Variants in SYT1 observed in about 807,000 individuals in gnomAD.
SYT1 encodes the protein synaptotagmin 1.
In SYT1, 8 loss-of-function variants were observed where a neutral mutation model predicts 44.8. The ratio of observed to expected loss-of-function variants is 0.18; its 90% CI spans 0.10 to 0.32. The LOEUF (loss-of-function observed/expected upper bound fraction) is 0.32. Ranked by LOEUF, SYT1 falls within the 10% of genes least tolerant of loss-of-function variation. SYT1 has a pLI of 1.00. For missense variants in SYT1, 286 were observed against 509.3 expected, an observed-to-expected ratio of 0.56 and a Z score of 4.22; for synonymous variants, 154 against 188.8, an observed-to-expected ratio of 0.82 and a Z score of 1.51.
chr12:79,277,310 C>T (rs533832034), intron 4 of SYT1, among the ~76,000 whole-genome samples: 137 of 152,274 alleles, frequency 9.0e-4, no homozygotes, highest in African/African-American at 3.2e-3. Context: ...ATTAGACTAA[C>T]AGCAGACTTC....
chr12:79,067,389 A>G (rs1473057111), intron 3 of SYT1, among the ~76,000 whole-genome samples: 1 of 152,130 alleles, frequency 6.6e-6, no homozygotes, highest in Non-Finnish European at 1.5e-5. Flanking sequence ...ATTTGAAGGT[A>G]TGTATATCAA....
intron 3 of SYT1, among the ~76,000 whole-genome samples, chr12:79,122,664 G>T (rs1357789085): frequency 2.0e-5 from 3 of 149,030 alleles, no homozygotes; most frequent in African/African-American, 7.5e-5. Flanking sequence ...CATTTTTCTG[G>T]TCAAAAGTAA....
intron 2 of SYT1, among the ~76,000 whole-genome samples, chr12:78,979,746 T>C (rs1869107659): frequency 6.6e-6 from 1 of 152,144 alleles, no homozygotes; most frequent in South Asian, 2.1e-4. Flanking sequence ...GATATGGATG[T>C]CTGTTATTTA....
intron 8 of SYT1, among the ~76,000 whole-genome samples, chr12:79,310,311 A>G (rs1208800831): frequency 6.6e-6 from 1 of 152,114 alleles, no homozygotes; most frequent in Non-Finnish European, 1.5e-5. Flanking sequence ...AGGTTTGTCA[A>G]AGATCAGATA....
At chr12:79,126,292 C>A (rs553788129) in intron 3 of SYT1, among the ~76,000 whole-genome samples, 3 of 152,210 alleles carry the variant, frequency 2.0e-5, no homozygotes, top group African/African-American at 7.2e-5. Context: ...GACGGAGTCT[C>A]GCTCTGTTGC....
At chr12:78,883,749 C>T (rs996021168) in intron 1 of SYT1, among the ~76,000 whole-genome samples, 1 of 151,582 alleles carries the variant, frequency 6.6e-6, no homozygotes, top group Admixed American at 6.6e-5. Context: ...ACTTTCTCTC[C>T]ACCTTTTCTT....
chr12:79,280,350 C>T (rs1878978550), intron 4 of SYT1, among the ~76,000 whole-genome samples: 1 of 152,010 alleles, frequency 6.6e-6, no homozygotes, highest in Non-Finnish European at 1.5e-5. Flanking sequence ...AAAGCCACGT[C>T]TCTACAGCCA....
At chr12:79,401,641 TA>T (rs1339988267) in intron 9 of SYT1, among the ~76,000 whole-genome samples, 1 of 151,350 alleles carries the variant, frequency 6.6e-6, no homozygotes, top group Non-Finnish European at 1.5e-5. Context: ...ATATTAAAGA[TA>T]ATAATTAAAA....
intron 9 of SYT1, among the ~76,000 whole-genome samples, chr12:79,385,557 C>G (rs1427731978): frequency 6.6e-6 from 1 of 152,070 alleles, no homozygotes; most frequent in Non-Finnish European, 1.5e-5. Context: ...ACCAAACTTA[C>G]TGGTGGTAGC....
At chr12:78,906,498 G>T (rs1441777710) in intron 1 of SYT1, among the ~76,000 whole-genome samples, 1 of 152,024 alleles carries the variant, frequency 6.6e-6, no homozygotes, top group Non-Finnish European at 1.5e-5. Context: ...TATTTAGTAT[G>T]TCAGACTCTA....
chr12:79,085,002 A>G (rs575762792), intron 3 of SYT1, among the ~76,000 whole-genome samples: 5 of 152,286 alleles, frequency 3.3e-5, no homozygotes, highest in Admixed American at 2.6e-4. Flanking sequence ...TATATTTCAT[A>G]GAGTACTTAT....
At chr12:79,268,368 C>T (rs192574318) in intron 4 of SYT1, among the ~76,000 whole-genome samples, 1 of 152,178 alleles carries the variant, frequency 6.6e-6, no homozygotes, top group East Asian at 1.9e-4. Context: ...AATCCATTAA[C>T]CATGGATTAA....
At chr12:78,902,582 G>GATGAATATCAGTATT (rs1332902716) in intron 1 of SYT1, among the ~76,000 whole-genome samples, 1 of 152,024 alleles carries the variant, frequency 6.6e-6, no homozygotes, top group Admixed American at 6.6e-5. Flanking sequence ...CAATACTATT[G>GATGAATATCAGTATT]ATGAATATCA....
chr12:78,894,563 G>T (rs532856529), intron 1 of SYT1, among the ~76,000 whole-genome samples: 1 of 151,108 alleles, frequency 6.6e-6, no homozygotes, highest in Non-Finnish European at 1.5e-5. Context: ...AACTCCTCAC[G>T]ATTAAATGAA....
chr12:79,391,947 T>C (rs1465721160), intron 9 of SYT1, among the ~76,000 whole-genome samples: 1 of 117,904 alleles, frequency 8.5e-6, no homozygotes, highest in East Asian at 2.8e-4. Flanking sequence ...ATCAATCCAT[T>C]GTTGAAAGGT....
chr12:79,277,336 T>C (rs1046169895), intron 4 of SYT1, among the ~76,000 whole-genome samples: 2 of 152,170 alleles, frequency 1.3e-5, no homozygotes, highest in African/African-American at 2.4e-5. Flanking sequence ...AGAAACCTTC[T>C]AAACCAGAAG....
intron 3 of SYT1, among the ~76,000 whole-genome samples, chr12:79,163,239 G>GTCC: frequency 6.6e-6 from 1 of 152,064 alleles, no homozygotes; most frequent in East Asian, 1.9e-4. Flanking sequence ...GTCCTCTTCA[G>GTCC]TGTTCATGGT....
At chr12:78,996,744 C>T (rs989084610) in intron 2 of SYT1, among the ~76,000 whole-genome samples, 1 of 152,086 alleles carries the variant, frequency 6.6e-6, no homozygotes, top group African/African-American at 2.4e-5. Context: ...TCTAGTTTAC[C>T]AAAATACAGA....
chr12:79,432,503 G>C (rs762265548), intron 9 of SYT1, among the ~76,000 whole-genome samples: 1 of 151,948 alleles, frequency 6.6e-6, no homozygotes, highest in Non-Finnish European at 1.5e-5. Context: ...TTTTTCTAAT[G>C]GGAGAAAACA....
Sources: gnomAD v4.1 joint callset for allele counts (sites outside exome capture counted in the v4.1 genomes callset) on GRCh38, gnomAD v4.1.1 for gene constraint, MANE v1.5 for transcripts, NCBI Gene and HGNC (gene_info 2026-07-23, HGNC 2026-07-21) for gene names.